Variants in FAM78B observed in about 807,000 individuals in gnomAD.
FAM78B encodes the protein protein FAM78B.
A neutral mutation model predicts 20.0 loss-of-function variants in FAM78B; 10 were observed. The observed-to-expected ratio is 0.50, with a 90% CI of 0.31 to 0.85. FAM78B has a LOEUF of 0.85. Ranked by LOEUF, FAM78B falls within the 40% of genes least tolerant of loss-of-function variation. The pLI, the probability that FAM78B is intolerant of heterozygous loss-of-function variation, is 0.05. For missense variants in FAM78B, 283 were observed against 345.0 expected (o/e 0.82, Z 1.42); for synonymous variants, 135 against 132.8 (o/e 1.02, Z -0.12).
intron 1 of FAM78B, among the ~76,000 whole-genome samples, chr1:166,121,238 A>G (rs1225625615): frequency 6.6e-6 from 1 of 152,084 alleles, no homozygotes. Context: ...CCACATGCAT[A>G]TGGTCCTGGG....
chr1:166,069,039 AG>A (rs1651908558), downstream of FAM78B, among the ~76,000 whole-genome samples: 1 of 152,182 alleles, frequency 6.6e-6, no homozygotes, highest in Non-Finnish European at 1.5e-5. Context: ...AGAGCTCTAA[AG>A]TTAAGTTAAG....
rs753521023 is a variant in FAM78B at position 166,070,659 on chromosome 1, G to C, written c.368C>G (p.Thr123Ser). 6.2e-7 allele frequency: 1 copy of C among 1,613,666 alleles called. No homozygotes were observed. The highest frequency in any genetic ancestry group is 8.5e-7 in the Non-Finnish European group (1 of 1,180,012). The part of the protein sequence containing the change: ...PWYGNTTETV[T>S]LVGPTNKISR... ...GATCTTGTTGGTGGGGCCAACCAGG[G>C]TCACAGTTTCTGTGGTGTTCCCGTA... is the stretch of plus-strand genomic sequence containing the variant. The change falls in exon 2 of 2, where the codon ACC (threonine) becomes AGC (serine). Residue 123 changes from threonine to serine, a missense_variant. Coordinates refer to ENST00000354422, the MANE Select transcript of FAM78B (RefSeq NM_001017961.5).
chr1:166,058,386 T>TG (rs1448198072), exon 3 of FAM78B: 1 of 152,210 alleles, frequency 6.6e-6, no homozygotes, highest in East Asian at 1.9e-4. Context: ...GGAGAGGGAA[T>TG]GGCTGGGCAG....
intron 2 of FAM78B, among the ~76,000 whole-genome samples, chr1:166,061,099 T>A (rs1035723131): frequency 1.3e-5 from 2 of 152,222 alleles, no homozygotes; most frequent in Non-Finnish European, 2.9e-5. Context: ...ACGACTGAGC[T>A]AAAACTTACT....
chr1:166,110,552 C>T (rs1345521567), intron 1 of FAM78B, among the ~76,000 whole-genome samples: 1 of 152,204 alleles, frequency 6.6e-6, no homozygotes. Flanking sequence ...TGAGAGTTAA[C>T]TTCACCACTG....
intron 1 of FAM78B, among the ~76,000 whole-genome samples, chr1:166,144,843 C>T (rs556089697): frequency 1.3e-5 from 2 of 152,126 alleles, no homozygotes; most frequent in African/African-American, 2.4e-5. Context: ...TACCATGGCA[C>T]CTCACCCAGG....
At chr1:166,073,927 T>C (rs1652156613) in intron 1 of FAM78B, among the ~76,000 whole-genome samples, 2 of 152,208 alleles carry the variant, frequency 1.3e-5, no homozygotes, top group Non-Finnish European at 2.9e-5. Context: ...CCATAAGTGA[T>C]ACTTGAATTT....
chr1:166,134,248 A>G (rs1654987389), intron 1 of FAM78B, among the ~76,000 whole-genome samples: 1 of 128,108 alleles, frequency 7.8e-6, no homozygotes, highest in Non-Finnish European at 1.6e-5. Flanking sequence ...TCCCTGAATG[A>G]GTGTGCATAT....
intron 1 of FAM78B, among the ~76,000 whole-genome samples, chr1:166,137,949 G>T (rs899941836): frequency 2.0e-5 from 3 of 152,176 alleles, no homozygotes; most frequent in African/African-American, 7.2e-5. Flanking sequence ...CTGGTCTCAG[G>T]CATGTCTCAG....
chr1:166,108,360 A>G (rs10753708), intron 1 of FAM78B, among the ~76,000 whole-genome samples: 29,575 of 151,948 alleles, frequency 0.19, 3,253 homozygotes, highest in East Asian at 0.37. Flanking sequence ...GTGACCAAGC[A>G]AAGAATCAAA....
downstream of FAM78B, among the ~76,000 whole-genome samples, chr1:166,068,519 G>A (rs1035021924): frequency 6.6e-6 from 1 of 152,208 alleles, no homozygotes; most frequent in African/African-American, 2.4e-5. Flanking sequence ...TCTTATGTAA[G>A]TAAGTACCAT....
intron 1 of FAM78B, among the ~76,000 whole-genome samples, chr1:166,088,803 TG>T (rs1652945996): frequency 3.9e-5 from 6 of 152,104 alleles, no homozygotes; most frequent in Admixed American, 3.9e-4. Flanking sequence ...ATCTGGGCTT[TG>T]GGCTGTGTGG....
intron 1 of FAM78B, among the ~76,000 whole-genome samples, chr1:166,133,706 G>T (rs1214205800): frequency 6.6e-6 from 1 of 152,096 alleles, no homozygotes; most frequent in Non-Finnish European, 1.5e-5. Context: ...ATTAGAGCAG[G>T]TCTTTGCACA....
intron 1 of FAM78B, among the ~76,000 whole-genome samples, chr1:166,128,301 T>C (rs1230713274): frequency 6.6e-6 from 1 of 152,156 alleles, no homozygotes; most frequent in Non-Finnish European, 1.5e-5. Context: ...AAGGCCATAA[T>C]GAGCACTCAA....
chr1:166,083,753 C>T lies in FAM78B; in HGVS notation c.264-12990G>A, dbSNP rs564816746. On this transcript the variant is annotated intron_variant, in intron 1 of 1. Coordinates refer to ENST00000354422, the MANE Select transcript of FAM78B (RefSeq NM_001017961.5). ...TCTTGACCTCATGATCCGTCTGCCT[C>T]GGCCTCCCAAAGTGCTGGGATTACA... Among the ~76,000 whole-genome samples the T allele has an allele frequency of 4.7e-5, 7 of 149,684 alleles. No individual in the cohort carries two copies. The East Asian group carries it at 6.0e-4, about 13-fold the overall frequency.
intron 1 of FAM78B, among the ~76,000 whole-genome samples, chr1:166,092,660 CCT>C (rs1337740257): frequency 1.3e-5 from 2 of 152,190 alleles, no homozygotes; most frequent in African/African-American, 4.8e-5. Context: ...AGTCCTGACC[CCT>C]GTGACCCGAG....
At chr1:166,140,225 G>C (rs1655228035) in intron 1 of FAM78B, among the ~76,000 whole-genome samples, 1 of 152,240 alleles carries the variant, frequency 6.6e-6, no homozygotes, top group Non-Finnish European at 1.5e-5. Flanking sequence ...CTTTCCCGTA[G>C]CACAATCCAC....
At chr1:166,062,660 A>G (rs1355866730) in intron 2 of FAM78B, among the ~76,000 whole-genome samples, 1 of 152,234 alleles carries the variant, frequency 6.6e-6, no homozygotes, top group East Asian at 1.9e-4. Context: ...ATGCATGTGC[A>G]GCGTCTTTCT....
At chr1:166,109,210 G>A (rs1653900594) in intron 1 of FAM78B, among the ~76,000 whole-genome samples, 1 of 152,164 alleles carries the variant, frequency 6.6e-6, no homozygotes, top group African/African-American at 2.4e-5. Flanking sequence ...ACAGTCAGCA[G>A]AGTAAACAGA....
Sources: gnomAD v4.1 joint callset for allele counts (sites outside exome capture counted in the v4.1 genomes callset) on GRCh38, gnomAD v4.1.1 for gene constraint, MANE v1.5 for transcripts, NCBI Gene and HGNC (gene_info 2026-07-23, HGNC 2026-07-21) for gene names.